The following TBC1D14 variants were observed in gnomAD, a reference collection of about 807,000 sequenced individuals.
TBC1D14 encodes the protein TBC1 domain family, member 14.
A neutral mutation model predicts 79.0 loss-of-function variants in TBC1D14; 26 were observed. That is an observed-to-expected ratio of 0.33 (90% CI 0.24 to 0.46). The LOEUF (loss-of-function observed/expected upper bound fraction) is 0.46, where lower values mean the gene tolerates loss of function less well. Among genes scored for constraint, TBC1D14 ranks in the 20% least tolerant of loss-of-function variants. TBC1D14 has a pLI of 1.00. For missense variants in TBC1D14, 769 were observed against 887.6 expected (o/e 0.87, Z 1.70); for synonymous variants, 394 against 349.9 (o/e 1.13, Z -1.40).
rs1395403607 is a variant in TBC1D14 at position 7,026,596 on chromosome 4, A to G, written c.2016+1334A>G. On this transcript the variant is annotated intron_variant, in intron 13 of 13. Coordinates refer to ENST00000409757, the MANE Select transcript of TBC1D14 (RefSeq NM_020773.3). The stretch of plus-strand genomic sequence containing the variant: ...CCTCTCTTGCTTGCCTTTATTTGTC[A>G]AAGAAAACAGGTCATTTAGGCTGGG... 2.6e-5 allele frequency among the ~76,000 whole-genome samples: 4 copies of G among 152,066 alleles called. 1 individual carries two copies. Among genetic ancestry groups the G allele is most frequent in the African/African-American group, 9.7e-5 (4 of 41,402 alleles).
At chr4:6,986,142 T>C (rs1301906520) in intron 3 of TBC1D14, among the ~76,000 whole-genome samples, 5 of 152,238 alleles carry the variant, frequency 3.3e-5, no homozygotes, top group Admixed American at 2.6e-4. Flanking sequence ...AATGGAATAA[T>C]GGAATTTTCT....
At chr4:6,998,800 A>C in intron 5 of TBC1D14, 1 of 264,158 alleles carries the variant, frequency 3.8e-6, no homozygotes, top group Non-Finnish European at 7.4e-6. Context: ...TGGCTTCCCA[A>C]AGTGCTGGGA....
At chr4:7,020,648 T>C (rs190079059) in intron 12 of TBC1D14, among the ~76,000 whole-genome samples, 2 of 152,374 alleles carry the variant, frequency 1.3e-5, no homozygotes, top group East Asian at 3.8e-4. Flanking sequence ...TACTTTAAGC[T>C]AGATCTGCTT....
chr4:6,973,129 G>C (rs1046874746), intron 3 of TBC1D14, among the ~76,000 whole-genome samples: 1 of 152,194 alleles, frequency 6.6e-6, no homozygotes, highest in Non-Finnish European at 1.5e-5. Flanking sequence ...TGTGAGCACC[G>C]ATGAGTACAT....
At chr4:6,988,775 T>C (rs1255768703) in intron 3 of TBC1D14, among the ~76,000 whole-genome samples, 1 of 152,158 alleles carries the variant, frequency 6.6e-6, no homozygotes, top group Admixed American at 6.5e-5. Context: ...AGTAGCAGGT[T>C]ATTGACATCA....
chr4:7,013,417 C>G (rs1165230331), intron 11 of TBC1D14, among the ~76,000 whole-genome samples: 2 of 152,234 alleles, frequency 1.3e-5, no homozygotes, highest in East Asian at 3.8e-4. Context: ...CCCCAGGCGC[C>G]CAGCTGGTGA....
intron 3 of TBC1D14, among the ~76,000 whole-genome samples, chr4:6,972,901 G>A (rs889745294): frequency 6.6e-6 from 1 of 152,134 alleles, no homozygotes; most frequent in African/African-American, 2.4e-5. Flanking sequence ...AGAGGCTCAG[G>A]GCTGAAAATA....
chr4:7,024,577 G>A (rs1189581037), intron 12 of TBC1D14, among the ~76,000 whole-genome samples: 1 of 152,188 alleles, frequency 6.6e-6, no homozygotes, highest in African/African-American at 2.4e-5. Context: ...AAGGAGCCTC[G>A]TGCATGCTCC....
chr4:6,945,749 C>CAAAAAAAAAAAA (rs71173472), intron 2 of TBC1D14, among the ~76,000 whole-genome samples: 9 of 64,134 alleles, frequency 1.4e-4, no homozygotes, highest in Non-Finnish European at 1.8e-4. Context: ...AACTGCGTCT[C>CAAAAAAAAAAAA]AAAAAAAAAA....
intron 2 of TBC1D14, among the ~76,000 whole-genome samples, chr4:6,936,195 C>A (rs1340747243): frequency 1.3e-5 from 2 of 152,188 alleles, no homozygotes; most frequent in Non-Finnish European, 2.9e-5. Flanking sequence ...TCAGGGGCCA[C>A]CCTGGGTGCT....
At chr4:6,954,237 T>C in intron 2 of TBC1D14, 3 of 715,544 alleles carry the variant, frequency 4.2e-6, no homozygotes, top group Non-Finnish European at 7.8e-6. Context: ...GTGCCAGGAA[T>C]GCGGCACGGG....
At chr4:6,950,376 T>C (rs1713920585) in intron 2 of TBC1D14, among the ~76,000 whole-genome samples, 1 of 152,240 alleles carries the variant, frequency 6.6e-6, no homozygotes, top group South Asian at 2.1e-4. Context: ...AATGAGTTTC[T>C]TTCTTTCAAC....
intron 3 of TBC1D14, among the ~76,000 whole-genome samples, chr4:6,971,711 C>T (rs1271488931): frequency 1.3e-5 from 2 of 152,120 alleles, no homozygotes; most frequent in Non-Finnish European, 2.9e-5. Flanking sequence ...TAGAAATGCA[C>T]GTTCTCGGGC....
intron 1 of TBC1D14, among the ~76,000 whole-genome samples, chr4:6,916,024 G>T (rs1205455997): frequency 6.6e-6 from 1 of 151,910 alleles, no homozygotes; most frequent in Non-Finnish European, 1.5e-5. Flanking sequence ...TACTCGGGAG[G>T]CTAAGGCAGG....
At chr4:6,913,526 C>T (rs976191882) in intron 1 of TBC1D14, among the ~76,000 whole-genome samples, 6 of 152,222 alleles carry the variant, frequency 3.9e-5, no homozygotes, top group African/African-American at 1.4e-4. Context: ...GTTTCTGTTG[C>T]TGTGTGACCT....
rs144985382 is a variant in TBC1D14, at chr4:6,915,784, G to A, written c.-18+5833G>A. Reference sequence around the variant, plus strand: ...GGGATCTGTATACCCTCAGGCCATCGTGGAGTAGGAATGAGCTGTGTGGGC... The same window carrying A: ...GGGATCTGTATACCCTCAGGCCATCATGGAGTAGGAATGAGCTGTGTGGGC... On this transcript the variant is annotated intron_variant, in intron 1 of 13. Coordinates refer to ENST00000409757, the MANE Select transcript of TBC1D14 (RefSeq NM_020773.3). 6.1e-3 allele frequency among the ~76,000 whole-genome samples: 925 copies of A among 152,150 alleles called. 13 individuals are homozygous for A. The highest frequency in any genetic ancestry group is 6.0e-3 in the Non-Finnish European group (405 of 67,982).
chr4:6,999,856 C>T (rs982265904), intron 6 of TBC1D14, among the ~76,000 whole-genome samples: 1 of 152,118 alleles, frequency 6.6e-6, no homozygotes, highest in South Asian at 2.1e-4. Context: ...GTAGAGTGCA[C>T]CTGGCAGAGT....
chr4:6,918,964 A>G (rs965669696), intron 1 of TBC1D14, among the ~76,000 whole-genome samples: 1 of 152,150 alleles, frequency 6.6e-6, no homozygotes, highest in African/African-American at 2.4e-5. Flanking sequence ...GGGGACACAC[A>G]GAGGGTCTGC....
intron 2 of TBC1D14, among the ~76,000 whole-genome samples, chr4:6,946,763 G>A (rs1264010105): frequency 6.6e-6 from 1 of 152,168 alleles, no homozygotes; most frequent in Admixed American, 6.5e-5. Context: ...TTGTTACGAA[G>A]CTGGGATTTG....
Sources: gnomAD v4.1 joint callset for allele counts (sites outside exome capture counted in the v4.1 genomes callset) on GRCh38, gnomAD v4.1.1 for gene constraint, MANE v1.5 for transcripts, NCBI Gene and HGNC (gene_info 2026-07-23, HGNC 2026-07-21) for gene names.